UGT1A1: variants seen among roughly 807,000 people sequenced by gnomAD.
UGT1A1 encodes the protein UDP glucuronosyltransferase family 1 member A1, also known as UDP-glucuronosyltransferase 1A1.
UGT1A1 carries 33 observed loss-of-function variants against 40.6 expected under a neutral mutation model. The observed-to-expected ratio is 0.81, with a 90% CI of 0.62 to 1.09. The LOEUF is 1.09. Among genes scored for constraint, UGT1A1 ranks in the 50% least tolerant of loss-of-function variants. The probability of loss-of-function intolerance (pLI) is 0.00; values close to 1 mark genes in which losing one functional copy is unlikely to be tolerated. For synonymous variants in UGT1A1, 249 were observed against 265.0 expected, an observed-to-expected ratio of 0.94 and a Z score of 0.59; for missense variants, 694 against 671.2, an observed-to-expected ratio of 1.03 and a Z score of -0.38.
At position 233,760,819 on chromosome 2, in the gene UGT1A1, A is replaced by C. The variant is rs1210599713; in HGVS notation, c.532A>C (p.Ser178Arg). Residue 178 changes from serine (S) to arginine (R), a missense_variant, in exon 1 of 5, where the codon AGC becomes CGC. Transcript: ENST00000305208. ...ATTCTTCTTGCATGCACTGCCATGC[A>C]GCCTGGAATTTGAGGCTACCCAGTG... The part of the protein sequence containing the change: ...TVFFLHALPC[S>R]LEFEATQCPN... The C allele has an allele frequency of 1.2e-6, 2 of 1,613,450 alleles. No homozygotes were observed.
chr2:233,769,913 C>T lies in UGT1A1; in HGVS notation c.1304+1474C>T, dbSNP rs1699980310. 1.3e-5 allele frequency: 4 copies of T among 297,694 alleles called. No homozygotes were observed. The highest frequency in any genetic ancestry group is 6.9e-5 in the East Asian group (1 of 14,586). 18.4% of individuals were successfully genotyped at this position (297,694 alleles called of 1,614,324 possible). ...TAACCTGAGCATCATGTGCCCAGAG[C>T]GTTGGGTGGTGTGGTCCCATTCCTT... On this transcript the variant is annotated intron_variant, in intron 4 of 4. Transcript: ENST00000305208. The surrounding 1 kb of genome is among the most constrained non-coding windows in gnomAD (Gnocchi z 4.4).
At position 233,772,766 on chromosome 2, in the gene UGT1A1, C is replaced by T. The variant is rs910513508; in HGVS notation, c.*207C>T. 4 of 1,374,588 alleles carry T rather than the reference C, an allele frequency of 2.9e-6. No individual in the cohort carries two copies. Among genetic ancestry groups the T allele is most frequent in the Non-Finnish European group, 3.8e-6 (4 of 1,047,350 alleles). 85.1% of individuals were successfully genotyped at this position (1,374,588 alleles called of 1,614,324 possible). ...AGATATTTGAATATGTATCGTGCCC[C>T]CTCTGGTGTCTTTGATCAGGATGAC... On this transcript the variant is annotated 3_prime_UTR_variant, in exon 5 of 5. Transcript: ENST00000305208.
chr2:233,761,438 A>G (rs1335864417), intron 1 of UGT1A1, among the ~76,000 whole-genome samples: 1 of 152,232 alleles, frequency 6.6e-6, no homozygotes, highest in East Asian at 1.9e-4. Flanking sequence ...CCATAGGCAC[A>G]GAATGCTGGG....
At chr2:233,765,894 C>A (rs527736361) in intron 1 of UGT1A1, among the ~76,000 whole-genome samples, 1 of 152,060 alleles carries the variant, frequency 6.6e-6, no homozygotes, top group Non-Finnish European at 1.5e-5. Flanking sequence ...CAGTGCGCCA[C>A]TGCTCAAACC....
At chr2:233,766,480 T>C (rs1299744322) in intron 1 of UGT1A1, among the ~76,000 whole-genome samples, 1 of 152,128 alleles carries the variant, frequency 6.6e-6, no homozygotes, top group African/African-American at 2.4e-5. Flanking sequence ...AGGCACATGA[T>C]GGGGGCGTGG....
chr2:233,772,485 T>A lies in UGT1A1; in HGVS notation c.1528T>A (p.Cys510Ser). The change falls in exon 5 of 5, where the codon TGT becomes AGT. Residue 510 changes from cysteine (C) to serine (S), a missense_variant. Physicochemically the swap from Cys to Ser is moderately radical, Grantham distance 112 (BLOSUM62 -1). Transcript: ENST00000305208. The stretch of plus-strand genomic sequence containing the variant: ...AGTGGCCTTCATCACCTTTAAATGT[T>A]GTGCTTATGGCTACCGGAAATGCTT... ...LTVAFITFKC[C>S]AYGYRKCLGK... 2 of 1,614,206 alleles carry A rather than the reference T, an allele frequency of 1.2e-6. No individual in the cohort carries two copies. The highest frequency in any genetic ancestry group is 1.7e-6 in the Non-Finnish European group (2 of 1,180,040).
rs930932436 is a variant in UGT1A1 at position 233,769,919 on chromosome 2, G to A, written c.1304+1480G>A. The A allele has an allele frequency of 1.0e-5, 3 of 286,172 alleles. No individual in the cohort carries two copies. Among genetic ancestry groups the A allele is most frequent in the Non-Finnish European group, 1.3e-5 (2 of 153,080 alleles). 17.7% of individuals were successfully genotyped at this position (286,172 alleles called of 1,614,324 possible). A position where few individuals can be genotyped will look rare whatever the true frequency, so the allele number is the denominator to read the frequency against. Reference sequence around the variant, plus strand: ...GAGCATCATGTGCCCAGAGCGTTGGGTGGTGTGGTCCCATTCCTTCCTTCC... The same window carrying A: ...GAGCATCATGTGCCCAGAGCGTTGGATGGTGTGGTCCCATTCCTTCCTTCC... On this transcript the variant is annotated intron_variant, in intron 4 of 4. Coordinates refer to ENST00000305208, the MANE Select transcript of UGT1A1 (RefSeq NM_000463.3). This position sits in a 1 kb window ranked among gnomAD's most constrained non-coding sequence, Gnocchi z 4.4.
At position 233,773,024 on chromosome 2, in the gene UGT1A1, G is replaced by A. The variant is rs1575873040; in HGVS notation, c.*465G>A. 2 of 199,282 alleles carry A rather than the reference G, an allele frequency of 1.0e-5. No homozygotes were observed. The highest frequency in any genetic ancestry group is 5.3e-5 in the Admixed American group (1 of 18,910). The allele number at this position is 199,282 out of a possible 1,614,324, so 12.3% of individuals were successfully genotyped here. On this transcript the variant is annotated 3_prime_UTR_variant, in exon 5 of 5. Coordinates refer to ENST00000305208, the MANE Select transcript of UGT1A1 (RefSeq NM_000463.3). ...GTGCTTCATAGGTGCCACCTTGTGT[G>A]TTTAAAGAAGGGAAGCTTTGTACCT... is the stretch of plus-strand genomic sequence containing the variant.
chr2:233,760,864 G>C lies in UGT1A1; in HGVS notation c.577G>C (p.Val193Leu). The C allele has an allele frequency of 6.2e-7, 1 of 1,613,978 alleles. No individual in the cohort carries two copies. The highest frequency in any genetic ancestry group is 8.5e-7 in the Non-Finnish European group (1 of 1,179,968). ...CCAGTGCCCCAACCCATTCTCCTAC[G>C]TGCCCAGGCCTCTCTCCTCTCATTC... ...ATQCPNPFSY[V>L]PRPLSSHSDH... The change falls in exon 1 of 5, where the codon GTG becomes CTG. Residue 193 changes from valine to leucine, a missense_variant. Val to Leu is a conservative substitution (Grantham distance 32). Coordinates refer to ENST00000305208, the MANE Select transcript of UGT1A1 (RefSeq NM_000463.3).
chr2:233,772,304 C>G lies in UGT1A1; in HGVS notation c.1347C>G (p.Asp449Glu), dbSNP rs1165346261. The change falls in exon 5 of 5, where the codon GAC becomes GAG. Residue 449 changes from aspartate to glutamate, a missense_variant. Transcript: ENST00000305208. The part of the protein sequence containing the change: ...NIMRLSSLHK[D>E]RPVEPLDLAV... ...TGCGCCTCTCCAGCCTTCACAAGGA[C>G]CGCCCGGTGGAGCCGCTGGACCTGG... The G allele has an allele frequency of 6.2e-7, 1 of 1,614,230 alleles. No homozygotes were observed. The highest frequency in any genetic ancestry group is 2.2e-5 in the East Asian group (1 of 44,884).
In UGT1A1 at chr2:233,772,556, T is replaced by C; in HGVS notation, c.1599T>C (p.His533=). ...AGAAAGCCCACAAATCCAAGACCCA[T>C]TGAGAAGTGGGTGGGAAATAAGGTA... is the stretch of plus-strand genomic sequence containing the variant. ...RVKKAHKSKT[H] The change falls in exon 5 of 5, where the codon CAT becomes CAC. Residue 533 remains histidine, a synonymous_variant. Transcript: ENST00000305208. 2.5e-6 allele frequency: 4 copies of C among 1,613,872 alleles called. No homozygotes were observed. The highest frequency in any genetic ancestry group is 2.7e-5 in the African/African-American group (2 of 75,014).
At chr2:233,764,983 T>A (rs1575807741) in intron 1 of UGT1A1, among the ~76,000 whole-genome samples, 1 of 152,200 alleles carries the variant, frequency 6.6e-6, no homozygotes, top group East Asian at 1.9e-4. Flanking sequence ...GGTCAGTGTC[T>A]GGGGCTTTCC....
At chr2:233,762,729 T>G (rs1012866470) in intron 1 of UGT1A1, among the ~76,000 whole-genome samples, 22 of 152,030 alleles carry the variant, frequency 1.4e-4, no homozygotes, top group Non-Finnish European at 3.2e-4. Context: ...TTTTTTTTTT[T>G]GGTCACTACT....
At position 233,760,915 on chromosome 2, in the gene UGT1A1, G is replaced by A. The variant is rs758093591; in HGVS notation, c.628G>A (p.Val210Met). 9 of 1,614,180 alleles carry A rather than the reference G, an allele frequency of 5.6e-6. No homozygotes were observed. The highest frequency in any genetic ancestry group is 7.6e-6 in the Non-Finnish European group (9 of 1,180,036). ...HSDHMTFLQRVKNMLIAFSQN... is the reference protein window; with the variant it reads ...HSDHMTFLQRMKNMLIAFSQN... ...AGATCACATGACCTTCCTGCAGCGG[G>A]TGAAGAACATGCTCATTGCCTTTTC... Residue 210 changes from valine to methionine, a missense_variant, in exon 1 of 5, where the codon GTG (valine) becomes ATG (methionine). Val to Met is a conservative substitution (Grantham distance 21, BLOSUM62 1). Transcript: ENST00000305208.
intron 4 of UGT1A1, chr2:233,770,370 C>T (rs1700066139): frequency 6.6e-6 from 1 of 152,126 alleles, no homozygotes; most frequent in African/African-American, 2.4e-5. Flanking sequence ...AATGAAAGTT[C>T]TGGCCAGGTA....
At chr2:233,771,408 T>C (rs1454905857) in intron 4 of UGT1A1, 2 of 152,208 alleles carry the variant, frequency 1.3e-5, no homozygotes, top group Non-Finnish European at 2.9e-5. Context: ...ATGAACACTG[T>C]CCAGAATAAA....
intron 1 of UGT1A1, among the ~76,000 whole-genome samples, chr2:233,766,279 G>A (rs886209261): frequency 2.6e-5 from 4 of 151,814 alleles, no homozygotes; most frequent in Non-Finnish European, 4.4e-5. Context: ...TCGGTGGCCC[G>A]GGCTCGGTGG....
chr2:233,772,368 G>C lies in UGT1A1; in HGVS notation c.1411G>C (p.Ala471Pro). Reference protein sequence around the residue: ...WVEFVMRHKGAPHLRPAAHDL... With the variant: ...WVEFVMRHKGPPHLRPAAHDL... Reference sequence around the variant, plus strand: ...GGAGTTTGTGATGAGGCACAAGGGCGCGCCACACCTGCGCCCCGCAGCCCA... The same window carrying C: ...GGAGTTTGTGATGAGGCACAAGGGCCCGCCACACCTGCGCCCCGCAGCCCA... Residue 471 changes from alanine (A) to proline (P), a missense_variant, in exon 5 of 5, where the codon GCG (alanine) becomes CCG (proline). Coordinates refer to ENST00000305208, the MANE Select transcript of UGT1A1 (RefSeq NM_000463.3). 6.2e-7 allele frequency: 1 copy of C among 1,614,220 alleles called. No homozygotes were observed. The highest frequency in any genetic ancestry group is 1.1e-5 in the South Asian group (1 of 91,078).
chr2:233,768,023 G>A, intron 3 of UGT1A1, 87 bp downstream of exon 3: 1 of 1,613,460 alleles, frequency 6.2e-7, no homozygotes, highest in Non-Finnish European at 8.5e-7. Flanking sequence ...GGATTGTTGA[G>A]CTTGAAAATA....
Sources: gnomAD v4.1 joint callset for allele counts (sites outside exome capture counted in the v4.1 genomes callset) on GRCh38, gnomAD v4.1.1 for gene constraint, Gnocchi (gnomAD v3.1) non-coding constraint, MANE v1.5 for transcripts, NCBI Gene and HGNC (gene_info 2026-07-23, HGNC 2026-07-21) for gene names.